FCGR3B: variants seen among roughly 807,000 people sequenced by gnomAD.
The protein encoded by FCGR3B is low affinity immunoglobulin gamma Fc region receptor III-B.
In FCGR3B, 20 loss-of-function variants were observed where a neutral mutation model predicts 26.7. The ratio of observed to expected loss-of-function variants is 0.75; its 90% CI spans 0.53 to 1.09. The LOEUF is 1.09. Among genes scored for constraint, FCGR3B ranks in the 50% least tolerant of loss-of-function variants. FCGR3B has a pLI of 0.00. For missense variants in FCGR3B, 191 were observed against 279.7 expected (o/e 0.68, Z 2.26); for synonymous variants, 79 against 107.0 (o/e 0.74, Z 1.62).
chr1:161,631,448 C>A, upstream of FCGR3B: 2 of 542,518 alleles, frequency 3.7e-6, no homozygotes, highest in Non-Finnish European at 6.5e-6. Context: ...TTTAGATCCA[C>A]CCAGCACCAA....
In FCGR3B at chr1:161,630,752, T is replaced by C. The variant is rs928580854; in HGVS notation, c.40+303A>G. The C allele has an allele frequency of 4.3e-5, 24 of 560,888 alleles. No homozygotes were observed. In the African/African-American group the frequency reaches 4.8e-4, roughly 11 times the overall value. The allele number at this position is 560,888 out of a possible 1,614,324, so 34.7% of individuals were successfully genotyped here. The stretch of plus-strand genomic sequence containing the variant: ...AAAACCATAGAGGAGAACCCTGGAA[T>C]GTCAAACTGAAAGAGACAGACCCTA... On this transcript the variant is annotated intron_variant, in intron 1 of 4. Coordinates refer to ENST00000650385, the MANE Select transcript of FCGR3B (RefSeq NM_001244753.2).
rs1570978988 is a variant in FCGR3B, at chr1:161,624,283, C to G, written c.*232G>C. ...CCCTGCTTGAAGATCATGGGCTTTT[C>G]CCTTCCACTGGAGACCAAGGAAAAA... On this transcript the variant is annotated 3_prime_UTR_variant, in exon 5 of 5. Transcript: ENST00000650385. The G allele has an allele frequency of 3.7e-5, 19 of 508,074 alleles. 1 individual carries two copies. The highest frequency in any genetic ancestry group is 2.2e-4 in the African/African-American group (11 of 50,186). 31.5% of individuals were successfully genotyped at this position (508,074 alleles called of 1,614,324 possible).
chr1:161,627,592 A>T lies in FCGR3B; in HGVS notation c.320-1190T>A, dbSNP rs1395144191. Among the ~76,000 whole-genome samples, 9 of 150,490 alleles carry T rather than the reference A, an allele frequency of 6.0e-5. 1 individual carries two copies. The highest frequency in any genetic ancestry group is 2.2e-4 in the African/African-American group (9 of 40,482). ...CCTATTAAGAGATATCATTTATCAAAAGAAGCCATGTGCCTATCTATCCAC... is the reference window on the plus strand; with the variant it reads ...CCTATTAAGAGATATCATTTATCAATAGAAGCCATGTGCCTATCTATCCAC... On this transcript the variant is annotated intron_variant, in intron 3 of 4. Transcript: ENST00000650385.
intron 3 of FCGR3B, among the ~76,000 whole-genome samples, chr1:161,628,424 G>T (rs1679583178): frequency 6.7e-6 from 1 of 149,976 alleles, no homozygotes; most frequent in Non-Finnish European, 1.5e-5. Flanking sequence ...ATATAGCCTT[G>T]ATTGGCTAGA....
At position 161,626,111 on chromosome 1, in the gene FCGR3B, G is replaced by A. The variant is rs375009248; in HGVS notation, c.577+34C>T. 195 of 1,597,376 alleles carry A rather than the reference G, an allele frequency of 1.2e-4. 4 individuals are homozygous for A. Among genetic ancestry groups the A allele is most frequent in the East Asian group, 3.1e-4 (14 of 44,666 alleles). On this transcript the variant is annotated intron_variant, in intron 4 of 4. Transcript: ENST00000650385. ...GTGAGTGCAGGTTCCACACACAGGC[G>A]TCCCTGGGCATTCCAGGGTGGCACA...
upstream of FCGR3B, chr1:161,631,277 A>G: frequency 7.0e-7 from 1 of 1,428,026 alleles, no homozygotes; most frequent in South Asian, 1.4e-5. Context: ...ATGGAGCCCC[A>G]CCATAGAACA....
chr1:161,626,740 A>G (rs577918286), intron 3 of FCGR3B, among the ~76,000 whole-genome samples: 1 of 149,984 alleles, frequency 6.7e-6, no homozygotes, highest in East Asian at 1.9e-4. Context: ...GGCAGGTGAC[A>G]AGGATTCACA....
upstream of FCGR3B, chr1:161,631,426 C>T (rs886738677): frequency 3.0e-5 from 17 of 566,340 alleles, no homozygotes; most frequent in Non-Finnish European, 4.3e-5. Flanking sequence ...ATGCTTGCCC[C>T]CATCTCCTGG....
rs552825757 is a variant in FCGR3B, at chr1:161,628,369, C to T, written c.319+1409G>A. Among the ~76,000 whole-genome samples, 9 of 150,224 alleles carry T rather than the reference C, an allele frequency of 6.0e-5. 1 individual carries two copies. The East Asian group carries it at 1.7e-3, about 29-fold the overall frequency. On this transcript the variant is annotated intron_variant, in intron 3 of 4. Coordinates refer to ENST00000650385, the MANE Select transcript of FCGR3B (RefSeq NM_001244753.2). ...ATGGGTCCTAAAGGAATAAAGGATG[C>T]TCAGAAGTTTACCTGGTGAAGCTAA...
intron 3 of FCGR3B, among the ~76,000 whole-genome samples, chr1:161,628,679 C>G (rs1473155520): frequency 2.1e-5 from 3 of 144,700 alleles, no homozygotes; most frequent in Non-Finnish European, 4.5e-5. Flanking sequence ...CCATGGAGCT[C>G]TCTTGCAGAT....
chr1:161,625,290 A>T (rs78897192), intron 4 of FCGR3B, among the ~76,000 whole-genome samples: 113,023 of 130,802 alleles, frequency 0.86, 49,217 homozygotes, highest in South Asian at 0.9. Context: ...TTACAGATAG[A>T]AGTTCTGTGA....
At position 161,631,099 on chromosome 1, in the gene FCGR3B, C is replaced by T. The variant is rs370834926; in HGVS notation, c.-5G>A. 4.1e-5 allele frequency: 66 copies of T among 1,607,436 alleles called. 1 individual carries two copies. Among genetic ancestry groups the T allele is most frequent in the South Asian group, 1.9e-4 (17 of 90,288 alleles). On this transcript the variant is annotated 5_prime_UTR_variant, in exon 1 of 5. Transcript: ENST00000650385. ...TGGGAGGAGCAGCTGCCACATGATG[C>T]CACACTGGAGTGGACAAGTCACCAA...
intron 4 of FCGR3B, among the ~76,000 whole-genome samples, 191 bp from the exon 5 acceptor site, chr1:161,624,830 G>T (rs1000234421): frequency 1.2e-4 from 18 of 148,264 alleles, no homozygotes; most frequent in Non-Finnish European, 3.0e-5. Context: ...CTGAGCAGAG[G>T]ACAGCTCACC....
In FCGR3B at chr1:161,630,991, A is replaced by G. The variant is rs147161724; in HGVS notation, c.40+64T>C. 0.012 allele frequency: 17,880 copies of G among 1,522,060 alleles called. 2,146 individuals are homozygous for G. In the East Asian group the frequency reaches 0.28, roughly 24 times the overall value. The allele number at this position is 1,522,060 out of a possible 1,614,324, so 94.3% of individuals were successfully genotyped here. A position where few individuals can be genotyped will look rare whatever the true frequency, so the allele number is the denominator to read the frequency against. On this transcript the variant is annotated intron_variant, in intron 1 of 4. Transcript: ENST00000650385. ...TGGGAGTCTCATTCGTAGCCTGAAA[A>G]GGGGTGTCTGATGAACCCAAGGCAT... is the stretch of plus-strand genomic sequence containing the variant.
intron 1 of FCGR3B, 176 bp downstream of exon 1, chr1:161,630,879 G>C: frequency 4.3e-6 from 6 of 1,407,584 alleles, no homozygotes; most frequent in Non-Finnish European, 5.6e-6. Flanking sequence ...ATTGGAACCA[G>C]CATTCTCCTC....
chr1:161,631,441 A>T, upstream of FCGR3B: 1 of 556,550 alleles, frequency 1.8e-6, no homozygotes, highest in South Asian at 2.5e-5. Context: ...TCCTGGATTT[A>T]GATCCACCCA....
At chr1:161,628,835 G>A (rs114540557) in intron 3 of FCGR3B, among the ~76,000 whole-genome samples, 2,573 of 144,922 alleles carry the variant, frequency 0.018, 272 homozygotes, top group African/African-American at 0.063. Context: ...CACCAGGAAA[G>A]ACCCCTGCCT....
At chr1:161,628,056 G>A (rs764206400) in intron 3 of FCGR3B, among the ~76,000 whole-genome samples, 3 of 149,882 alleles carry the variant, frequency 2.0e-5, no homozygotes, top group South Asian at 2.1e-4. Flanking sequence ...GGCAGATCAC[G>A]AGGTCAGGAG....
chr1:161,624,448 G>A lies in FCGR3B; in HGVS notation c.*67C>T. 1.3e-6 allele frequency: 2 copies of A among 1,536,652 alleles called. No homozygotes were observed. Among genetic ancestry groups the A allele is most frequent in the South Asian group, 1.2e-5 (1 of 85,694 alleles). ...CTGCTCTTATTACCCCCATGGGATG[G>A]GGGTCATGTGTCTTGAGGGTCCTTT... On this transcript the variant is annotated 3_prime_UTR_variant, in exon 5 of 5. Coordinates refer to ENST00000650385, the MANE Select transcript of FCGR3B (RefSeq NM_001244753.2).
Sources: gnomAD v4.1 joint callset for allele counts (sites outside exome capture counted in the v4.1 genomes callset) on GRCh38, gnomAD v4.1.1 for gene constraint, MANE v1.5 for transcripts, NCBI Gene and HGNC (gene_info 2026-07-23, HGNC 2026-07-21) for gene names.